The following WLS variants were observed in gnomAD, a reference collection of about 807,000 sequenced individuals.
The protein encoded by WLS is Wnt ligand secretion mediator.
A neutral mutation model predicts 62.8 loss-of-function variants in WLS; 23 were observed. That is an observed-to-expected ratio of 0.37 (90% CI 0.26 to 0.52). The LOEUF is 0.52. WLS is among the 20% of genes least tolerant of loss of function. WLS has a pLI of 0.92. For missense variants in WLS, 615 were observed against 697.3 expected (o/e 0.88, Z 1.33); for synonymous variants, 246 against 244.1 (o/e 1.01, Z -0.07).
chr1:68,112,227 C>T (rs1462547454), intron 11 of WLS, among the ~76,000 whole-genome samples: 4 of 152,220 alleles, frequency 2.6e-5, no homozygotes, highest in Non-Finnish European at 5.9e-5. Context: ...TCTGTCCTTA[C>T]TTGCTCTCCT....
intron 2 of WLS, among the ~76,000 whole-genome samples, chr1:68,187,589 T>C (rs2100586357): frequency 6.6e-6 from 1 of 152,348 alleles, no homozygotes; most frequent in Admixed American, 6.5e-5. Context: ...TGTGAAATTA[T>C]TTAACATGTA....
chr1:68,126,069 A>G lies in WLS; in HGVS notation c.*157T>C. On this transcript the variant is annotated 3_prime_UTR_variant, in exon 12 of 12. Coordinates refer to ENST00000262348, the MANE Select transcript of WLS (RefSeq NM_024911.7). ...TCTTCCTCCAAAAGCTACCGTCAGA[A>G]GGCAAACTGACAAATGTCCATGCCG... 1.4e-6 allele frequency: 2 copies of G among 1,442,286 alleles called. No individual in the cohort carries two copies. The highest frequency in any genetic ancestry group is 1.8e-6 in the Non-Finnish European group (2 of 1,093,958). 89.3% of individuals were successfully genotyped at this position (1,442,286 alleles called of 1,614,324 possible).
In WLS at chr1:68,149,035, C is replaced by T. The variant is rs12408237; in HGVS notation, c.973-375G>A. On this transcript the variant is annotated intron_variant, in intron 6 of 11. Transcript: ENST00000262348. The stretch of plus-strand genomic sequence containing the variant: ...ACTTGTGTTTATAAAAGTGACTGAT[C>T]CTCAGAAGACAAAGTAAAGACATTA... Among the ~76,000 whole-genome samples, 268 of 152,202 alleles carry T rather than the reference C, an allele frequency of 1.8e-3. 2 individuals are homozygous for T. Among genetic ancestry groups the T allele is most frequent in the Admixed American group, 0.015 (231 of 15,294 alleles).
At chr1:68,172,433 G>A (rs1291431288) in intron 2 of WLS, among the ~76,000 whole-genome samples, 4 of 151,754 alleles carry the variant, frequency 2.6e-5, no homozygotes, top group Non-Finnish European at 5.9e-5. Context: ...GTTTATATAT[G>A]TCTATAAAGA....
chr1:68,171,923 G>T (rs1396049958), intron 2 of WLS, among the ~76,000 whole-genome samples: 1 of 152,116 alleles, frequency 6.6e-6, no homozygotes, highest in African/African-American at 2.4e-5. Flanking sequence ...CAAATGCCCA[G>T]CAATGATAGA....
chr1:68,158,432 A>G (rs12739357), intron 3 of WLS, among the ~76,000 whole-genome samples: 4,225 of 152,240 alleles, frequency 0.028, 87 homozygotes, highest in Middle Eastern at 0.051. Flanking sequence ...ACTCTCAAAT[A>G]TGTCCCAGAC....
At chr1:68,172,722 C>A (rs1323820211) in intron 2 of WLS, among the ~76,000 whole-genome samples, 3 of 152,050 alleles carry the variant, frequency 2.0e-5, no homozygotes, top group Non-Finnish European at 4.4e-5. Context: ...CAATGAATTG[C>A]AGAATAGGAG....
chr1:68,219,245 T>A (rs563529060), intron 1 of WLS, among the ~76,000 whole-genome samples: 1 of 152,272 alleles, frequency 6.6e-6, no homozygotes, highest in Non-Finnish European at 1.5e-5. Flanking sequence ...GACCAAAATA[T>A]ATAACCCAGA....
At chr1:68,130,848 G>GA (rs1239171620) in intron 11 of WLS, among the ~76,000 whole-genome samples, 18 of 138,082 alleles carry the variant, frequency 1.3e-4, no homozygotes, top group African/African-American at 4.5e-4. Context: ...TTAACCAAAA[G>GA]AAAAAATAAT....
chr1:68,101,620 C>G (rs1646079596), intron 11 of WLS, among the ~76,000 whole-genome samples: 1 of 152,178 alleles, frequency 6.6e-6, no homozygotes, highest in Non-Finnish European at 1.5e-5. Context: ...TGTCTACGTT[C>G]ACTGTCCAGA....
chr1:68,167,006 A>T (rs1647069594), intron 2 of WLS, among the ~76,000 whole-genome samples: 1 of 152,186 alleles, frequency 6.6e-6, no homozygotes, highest in African/African-American at 2.4e-5. Flanking sequence ...CTAGACTGTG[A>T]TATCACTCCT....
intron 2 of WLS, among the ~76,000 whole-genome samples, chr1:68,170,165 T>C (rs971054815): frequency 5.0e-5 from 7 of 141,040 alleles, no homozygotes; most frequent in South Asian, 2.4e-4. Flanking sequence ...TATTTCTTTT[T>C]TTTTTTTTTT....
At chr1:68,199,834 G>A (rs943269019) in intron 1 of WLS, among the ~76,000 whole-genome samples, 5 of 152,176 alleles carry the variant, frequency 3.3e-5, no homozygotes, top group African/African-American at 9.7e-5. Context: ...GAGATCTGCT[G>A]GAAGGAGGCG....
chr1:68,189,770 A>T (rs907388927), intron 2 of WLS, among the ~76,000 whole-genome samples: 3 of 152,212 alleles, frequency 2.0e-5, no homozygotes, highest in African/African-American at 7.2e-5. Context: ...GCAGTGGCTC[A>T]CACCTGTAAT....
intron 11 of WLS, among the ~76,000 whole-genome samples, chr1:68,105,424 A>G (rs1646129778): frequency 6.6e-6 from 1 of 151,846 alleles, no homozygotes; most frequent in Non-Finnish European, 1.5e-5. Flanking sequence ...CTTAATGGAA[A>G]GTCTAGTTTT....
chr1:68,187,820 C>T (rs1648053714), intron 2 of WLS, among the ~76,000 whole-genome samples: 1 of 151,932 alleles, frequency 6.6e-6, no homozygotes, highest in African/African-American at 2.4e-5. Context: ...AGTTATTTCA[C>T]ATTACTGGGA....
chr1:68,170,160 C>CTTTTTTTCTTTTTTTTTTTT (rs1553131191), intron 2 of WLS, among the ~76,000 whole-genome samples: 2 of 86,752 alleles, frequency 2.3e-5, no homozygotes, highest in Non-Finnish European at 4.6e-5. Flanking sequence ...GCTACTATTT[C>CTTTTTTTCTTTTTTTTTTTT]TTTTTTTTTT....
Position 68,125,959 on chromosome 1 carries a change from T to C in WLS, c.*267A>G, listed in dbSNP as rs1321028792. The C allele has an allele frequency of 6.7e-6, 8 of 1,201,146 alleles. No homozygotes were observed. Among genetic ancestry groups the C allele is most frequent in the Non-Finnish European group, 8.3e-6 (8 of 962,588 alleles). The allele number at this position is 1,201,146 out of a possible 1,614,324, so 74.4% of individuals were successfully genotyped here. A position where few individuals can be genotyped will look rare whatever the true frequency, so the allele number is the denominator to read the frequency against. On this transcript the variant is annotated 3_prime_UTR_variant, in exon 12 of 12. Transcript: ENST00000262348. ...ACTAACCAGCTGCTACAGATGTTACTATGTCACTAATTAACAATGATCACA... is the reference window on the plus strand; with the variant it reads ...ACTAACCAGCTGCTACAGATGTTACCATGTCACTAATTAACAATGATCACA...
chr1:68,224,471 T>C (rs1206129367), intron 1 of WLS, among the ~76,000 whole-genome samples: 1 of 152,204 alleles, frequency 6.6e-6, no homozygotes, highest in East Asian at 1.9e-4. Context: ...GGACCTACGA[T>C]GTATGCTAAA....
Sources: allele counts gnomAD v4.1 joint callset (sites outside exome capture counted in the v4.1 genomes callset), GRCh38; gene constraint gnomAD v4.1.1; transcripts MANE v1.5; gene names NCBI Gene and HGNC (gene_info 2026-07-23, HGNC 2026-07-21).